The following GRIK4 variants were observed in gnomAD, a reference collection of about 807,000 sequenced individuals.
The protein encoded by GRIK4 is glutamate receptor ionotropic, kainate 4.
In GRIK4, 40 loss-of-function variants were observed where a neutral mutation model predicts 104.9. The observed-to-expected ratio is 0.38, with a 90% CI of 0.30 to 0.50. GRIK4 has a LOEUF of 0.50. Among genes scored for constraint, GRIK4 ranks in the 20% least tolerant of loss-of-function variants. GRIK4 has a pLI of 0.93. For missense variants in GRIK4, 1,047 were observed against 1,308.1 expected, an observed-to-expected ratio of 0.80 and a Z score of 3.08; for synonymous variants, 485 against 524.9, an observed-to-expected ratio of 0.92 and a Z score of 1.04.
In GRIK4 at chr11:120,956,968, A is replaced by G. The variant is rs1227660690; in HGVS notation, c.1874+15A>G. ...AGTGGCGTCTGGTAAGGCCCCAGGC[A>G]GAGGTGAACCAGGCCAGGTGGGGTG... On this transcript the variant is annotated intron_variant, in intron 16 of 20. Coordinates refer to ENST00000527524, the MANE Select transcript of GRIK4 (RefSeq NM_014619.5). The surrounding 1 kb of genome is among the most constrained non-coding windows in gnomAD (Gnocchi z 4.6). The G allele has an allele frequency of 3.8e-6, 6 of 1,579,456 alleles. No homozygotes were observed. The highest frequency in any genetic ancestry group is 5.2e-6 in the Non-Finnish European group (6 of 1,161,626).
chr11:120,772,793 C>T (rs1250123680), intron 3 of GRIK4, among the ~76,000 whole-genome samples: 1 of 151,794 alleles, frequency 6.6e-6, no homozygotes, highest in Non-Finnish European at 1.5e-5. Context: ...TGGCCTTACA[C>T]AGGGGAGGGA....
At chr11:120,678,208 G>A (rs774667203) in intron 3 of GRIK4, among the ~76,000 whole-genome samples, 4 of 152,204 alleles carry the variant, frequency 2.6e-5, no homozygotes, top group Non-Finnish European at 4.4e-5. Flanking sequence ...CTTTAGGGCA[G>A]ACCCCACACC....
intron 3 of GRIK4, among the ~76,000 whole-genome samples, chr11:120,759,654 G>A (rs1220500951): frequency 1.3e-5 from 2 of 151,878 alleles, no homozygotes; most frequent in Non-Finnish European, 2.9e-5. Flanking sequence ...ACTTAGTCTG[G>A]GTTCTTAAAA....
chr11:120,893,028 G>T (rs1942460932), intron 11 of GRIK4, among the ~76,000 whole-genome samples: 1 of 152,196 alleles, frequency 6.6e-6, no homozygotes, highest in Non-Finnish European at 1.5e-5. Context: ...GCAGGCAGTG[G>T]CCCTCCACAT....
chr11:120,767,772 C>A (rs1430712494), intron 3 of GRIK4, among the ~76,000 whole-genome samples: 3 of 152,138 alleles, frequency 2.0e-5, no homozygotes, highest in Non-Finnish European at 4.4e-5. Context: ...ATGTGGAAAT[C>A]CAGTTTTTCA....
At chr11:120,742,097 G>A (rs932502694) in intron 3 of GRIK4, among the ~76,000 whole-genome samples, 7 of 152,154 alleles carry the variant, frequency 4.6e-5, no homozygotes, top group African/African-American at 1.7e-4. Context: ...TGTAATCCCA[G>A]CATTTTGAGA....
At chr11:120,918,822 A>G (rs1270820076) in intron 13 of GRIK4, among the ~76,000 whole-genome samples, 4 of 152,270 alleles carry the variant, frequency 2.6e-5, no homozygotes, top group African/African-American at 9.6e-5. Context: ...GAAGCCAGGC[A>G]AGGCTTCAGA....
In GRIK4 at chr11:120,953,010, C is replaced by G; in HGVS notation, c.1700+46C>G. 2 of 1,280,742 alleles carry G rather than the reference C, an allele frequency of 1.6e-6. No individual in the cohort carries two copies. Among genetic ancestry groups the G allele is most frequent in the East Asian group, 4.6e-5 (2 of 43,312 alleles). The allele number at this position is 1,280,742 out of a possible 1,614,324, so 79.3% of individuals were successfully genotyped here. A position where few individuals can be genotyped will look rare whatever the true frequency, so the allele number is the denominator to read the frequency against. On this transcript the variant is annotated intron_variant, in intron 15 of 20. Coordinates refer to ENST00000527524, the MANE Select transcript of GRIK4 (RefSeq NM_014619.5). The surrounding 1 kb of genome is among the most constrained non-coding windows in gnomAD (Gnocchi z 4.9). ...CTGTCCTTACACCGCCACCTCGTGT[C>G]CACCTCTGGGAACTGCATGGGGAGG...
At chr11:120,842,622 C>T (rs1050694928) in intron 8 of GRIK4, among the ~76,000 whole-genome samples, 2 of 152,236 alleles carry the variant, frequency 1.3e-5, no homozygotes, top group South Asian at 4.1e-4. Context: ...AAGTGGAAAT[C>T]AGCACTTAGT....
At chr11:120,745,673 G>C (rs754011174) in intron 3 of GRIK4, among the ~76,000 whole-genome samples, 2 of 152,178 alleles carry the variant, frequency 1.3e-5, no homozygotes, top group Non-Finnish European at 2.9e-5. Context: ...ATTCAACAAC[G>C]TTTGTCCTCT....
intron 11 of GRIK4, among the ~76,000 whole-genome samples, chr11:120,882,690 G>A (rs1274103470): frequency 1.3e-5 from 2 of 152,222 alleles, no homozygotes; most frequent in Non-Finnish European, 2.9e-5. Context: ...ATTCTTAAGA[G>A]TTGGAGGTCA....
intron 3 of GRIK4, among the ~76,000 whole-genome samples, chr11:120,681,139 G>T (rs1214285194): frequency 6.6e-6 from 1 of 152,156 alleles, no homozygotes; most frequent in African/African-American, 2.4e-5. Flanking sequence ...GGCTGCCAGG[G>T]CTTTAGCCAG....
Position 120,524,922 on chromosome 11 carries a change from G to C in GRIK4, c.-159+13035G>C, listed in dbSNP as rs1250627662. On this transcript the variant is annotated intron_variant, in intron 1 of 20. Transcript: ENST00000527524. This position sits in a 1 kb window ranked among gnomAD's most constrained non-coding sequence, Gnocchi z 4.5. Reference sequence around the variant, plus strand: ...GAGGTCCCTGCGGTCTGCAGGGTGAGCTGAGGTCCTAGTCCACCTTCCGTC... The same window carrying C: ...GAGGTCCCTGCGGTCTGCAGGGTGACCTGAGGTCCTAGTCCACCTTCCGTC... Among the ~76,000 whole-genome samples the C allele has an allele frequency of 2.0e-5, 3 of 152,190 alleles. No individual in the cohort carries two copies. The highest frequency in any genetic ancestry group is 4.4e-5 in the Non-Finnish European group (3 of 68,032).
chr11:120,591,381 A>G (rs578183265), intron 1 of GRIK4, among the ~76,000 whole-genome samples: 1 of 152,008 alleles, frequency 6.6e-6, no homozygotes, highest in Admixed American at 6.6e-5. Context: ...TGACTGTGCT[A>G]CTGGTTGGCA....
At chr11:120,563,852 C>A (rs1199588431) in intron 1 of GRIK4, among the ~76,000 whole-genome samples, 1 of 152,220 alleles carries the variant, frequency 6.6e-6, no homozygotes, top group Non-Finnish European at 1.5e-5. Context: ...CTGGCGCCTC[C>A]CACACCTGGG....
intron 3 of GRIK4, among the ~76,000 whole-genome samples, chr11:120,714,111 G>C (rs1565310400): frequency 6.6e-6 from 1 of 152,208 alleles, no homozygotes; most frequent in South Asian, 2.1e-4. Context: ...ATCCATAGTT[G>C]CTGTTGTTAT....
chr11:120,921,409 G>A (rs772212016), intron 13 of GRIK4, among the ~76,000 whole-genome samples: 14 of 152,336 alleles, frequency 9.2e-5, no homozygotes, highest in East Asian at 3.9e-4. Flanking sequence ...CCATCCCAGC[G>A]TTGATGCCAA....
intron 3 of GRIK4, among the ~76,000 whole-genome samples, chr11:120,757,438 C>T (rs1951672834): frequency 6.6e-6 from 1 of 152,184 alleles, no homozygotes; most frequent in Non-Finnish European, 1.5e-5. Flanking sequence ...CTACCTGTCA[C>T]ACGGTGGGGT....
chr11:120,572,442 C>G (rs1441178566), intron 1 of GRIK4, among the ~76,000 whole-genome samples: 2 of 152,158 alleles, frequency 1.3e-5, no homozygotes, highest in Non-Finnish European at 2.9e-5. Flanking sequence ...CCTGAAGTCC[C>G]TTACAACTTG....
Sources: allele counts gnomAD v4.1 joint callset (sites outside exome capture counted in the v4.1 genomes callset), GRCh38; gene constraint gnomAD v4.1.1; non-coding constraint Gnocchi (gnomAD v3.1); transcripts MANE v1.5; gene names NCBI Gene and HGNC (gene_info 2026-07-23, HGNC 2026-07-21).